The following NXPH1 variants were observed in gnomAD, a reference collection of about 807,000 sequenced individuals.
The protein encoded by NXPH1 is neurexophilin 1.
Under a neutral mutation model 23.7 loss-of-function variants are expected in NXPH1, and 5 were observed. That is an observed-to-expected ratio of 0.21 (90% CI 0.11 to 0.44). The LOEUF (loss-of-function observed/expected upper bound fraction) is 0.44. Ranked by LOEUF, NXPH1 falls within the 20% of genes least tolerant of loss-of-function variation. The pLI is 0.99. For missense variants in NXPH1, 324 were observed against 321.6 expected (o/e 1.01, Z -0.06); for synonymous variants, 144 against 122.2 (o/e 1.18, Z -1.18).
intron 2 of NXPH1, among the ~76,000 whole-genome samples, chr7:8,439,285 G>A (rs1219665798): frequency 6.6e-6 from 1 of 152,220 alleles, no homozygotes; most frequent in African/African-American, 2.4e-5. Flanking sequence ...TGAAGAGTGG[G>A]GGTTCTAACT....
intron 2 of NXPH1, among the ~76,000 whole-genome samples, chr7:8,452,654 G>A (rs1310190376): frequency 1.3e-5 from 2 of 152,030 alleles, no homozygotes; most frequent in African/African-American, 2.4e-5. Context: ...GTGGAAAGAG[G>A]GGAAAAGAAA....
At chr7:8,645,096 T>G (rs1292301840) in intron 2 of NXPH1, among the ~76,000 whole-genome samples, 1 of 152,190 alleles carries the variant, frequency 6.6e-6, no homozygotes, top group Non-Finnish European at 1.5e-5. Context: ...ATCTGAGTGG[T>G]TCTAAATCTT....
chr7:8,558,468 G>A (rs1278152779), intron 2 of NXPH1, among the ~76,000 whole-genome samples: 6 of 151,590 alleles, frequency 4.0e-5, no homozygotes, highest in South Asian at 2.1e-4. Flanking sequence ...TCTTTTTAAT[G>A]TCTAGGAGAC....
At chr7:8,515,244 T>A (rs1447817806) in intron 2 of NXPH1, among the ~76,000 whole-genome samples, 1 of 152,136 alleles carries the variant, frequency 6.6e-6, no homozygotes, top group East Asian at 1.9e-4. Flanking sequence ...TGTGTCTAGG[T>A]GGGAGGTGGG....
At chr7:8,558,133 C>T (rs1208052658) in intron 2 of NXPH1, among the ~76,000 whole-genome samples, 1 of 151,664 alleles carries the variant, frequency 6.6e-6, no homozygotes, top group Non-Finnish European at 1.5e-5. Flanking sequence ...GTATGAGAAA[C>T]ATTTTGATTT....
intron 2 of NXPH1, among the ~76,000 whole-genome samples, chr7:8,664,745 C>T (rs935950968): frequency 1.3e-5 from 2 of 151,992 alleles, no homozygotes; most frequent in African/African-American, 4.8e-5. Context: ...GGTGATAGCT[C>T]ATTGTGGTTT....
chr7:8,674,889 G>C (rs750647899), intron 2 of NXPH1, among the ~76,000 whole-genome samples: 1 of 152,118 alleles, frequency 6.6e-6, no homozygotes, highest in Non-Finnish European at 1.5e-5. Context: ...CCTAGAAACC[G>C]AGGCCAGTAT....
chr7:8,456,615 C>T (rs562838272), intron 2 of NXPH1, among the ~76,000 whole-genome samples: 4 of 152,130 alleles, frequency 2.6e-5, no homozygotes, highest in East Asian at 3.9e-4. Context: ...ATTTGACAGG[C>T]TTGAAAACGT....
intron 2 of NXPH1, among the ~76,000 whole-genome samples, chr7:8,646,873 T>A (rs1223525694): frequency 2.6e-5 from 4 of 151,982 alleles, no homozygotes; most frequent in Non-Finnish European, 5.9e-5. Context: ...ATTTTTTTTT[T>A]TAAAGGCAAT....
intron 2 of NXPH1, among the ~76,000 whole-genome samples, chr7:8,438,189 G>C (rs1209014787): frequency 6.6e-6 from 1 of 152,220 alleles, no homozygotes; most frequent in African/African-American, 2.4e-5. Context: ...AGAGAGCCTT[G>C]ATTAAAACTC....
At chr7:8,457,296 C>G (rs1420224687) in intron 2 of NXPH1, among the ~76,000 whole-genome samples, 2 of 152,134 alleles carry the variant, frequency 1.3e-5, no homozygotes, top group Non-Finnish European at 2.9e-5. Context: ...CTAAATGTCT[C>G]AGACAATCAG....
At chr7:8,617,091 G>C (rs960246199) in intron 2 of NXPH1, among the ~76,000 whole-genome samples, 7 of 152,058 alleles carry the variant, frequency 4.6e-5, no homozygotes. Flanking sequence ...AATTGTTGGG[G>C]GAAAGGGGAT....
intron 2 of NXPH1, among the ~76,000 whole-genome samples, chr7:8,471,955 T>A (rs1307424666): frequency 6.6e-6 from 1 of 151,868 alleles, no homozygotes; most frequent in Non-Finnish European, 1.5e-5. Context: ...GTAATTTTAA[T>A]TCATTTATTA....
intron 2 of NXPH1, among the ~76,000 whole-genome samples, chr7:8,593,702 A>G (rs12531005): frequency 0.41 from 62,371 of 151,846 alleles, 15,637 homozygotes; most frequent in East Asian, 0.58. Context: ...GGACCTCTTC[A>G]TCTCCCTTCC....
intron 2 of NXPH1, among the ~76,000 whole-genome samples, chr7:8,554,537 C>CTTAGTACA (rs1818325788): frequency 6.6e-6 from 1 of 151,714 alleles, no homozygotes; most frequent in African/African-American, 2.4e-5. Flanking sequence ...ATAATAGGCT[C>CTTAGTACA]TTAGTACATT....
At chr7:8,593,551 A>G (rs1056879481) in intron 2 of NXPH1, among the ~76,000 whole-genome samples, 1 of 151,984 alleles carries the variant, frequency 6.6e-6, no homozygotes, top group Non-Finnish European at 1.5e-5. Context: ...CTTGTTTTTA[A>G]ATTGTGCCTG....
intron 2 of NXPH1, among the ~76,000 whole-genome samples, chr7:8,508,328 T>C (rs1817563075): frequency 6.6e-6 from 1 of 152,166 alleles, no homozygotes; most frequent in African/African-American, 2.4e-5. Context: ...GTTGGCTATG[T>C]TGAGTACATC....
intron 2 of NXPH1, among the ~76,000 whole-genome samples, chr7:8,728,382 G>A (rs1222752671): frequency 4.6e-5 from 7 of 152,022 alleles, no homozygotes; most frequent in South Asian, 2.1e-4. Context: ...TATGTTGAAT[G>A]GGAGTGGTGA....
At chr7:8,510,562 A>G in intron 2 of NXPH1, among the ~76,000 whole-genome samples, 1 of 152,122 alleles carries the variant, frequency 6.6e-6, no homozygotes. Flanking sequence ...AAAATTTTTT[A>G]AAGTTTGGTG....
Sources: allele counts gnomAD v4.1 joint callset (sites outside exome capture counted in the v4.1 genomes callset), GRCh38; gene constraint gnomAD v4.1.1; transcripts MANE v1.5; gene names NCBI Gene and HGNC (gene_info 2026-07-23, HGNC 2026-07-21).